Variants in HPSE2 observed in about 807,000 individuals in gnomAD.
The protein encoded by HPSE2 is heparanase 2 (inactive).
Under a neutral mutation model 60.5 loss-of-function variants are expected in HPSE2, and 38 were observed. The ratio of observed to expected loss-of-function variants is 0.63; its 90% CI spans 0.48 to 0.82. The LOEUF (loss-of-function observed/expected upper bound fraction) is 0.82. Ranked by LOEUF, HPSE2 falls within the 40% of genes least tolerant of loss-of-function variation. The probability of loss-of-function intolerance (pLI) is 0.00; values close to 1 mark genes in which losing one functional copy is unlikely to be tolerated. For synonymous variants in HPSE2, 295 were observed against 293.2 expected (o/e 1.01, Z -0.06); for missense variants, 713 against 740.4 (o/e 0.96, Z 0.43).
chr10:99,245,994 T>C, the HPSE2 span, among the ~76,000 whole-genome samples: 1 of 152,168 alleles, frequency 6.6e-6, no homozygotes, highest in Non-Finnish European at 1.5e-5. Flanking sequence ...CAATGATAGG[T>C]GAGAAACACG....
intron 3 of HPSE2, among the ~76,000 whole-genome samples, chr10:98,971,256 G>C (rs1279301049): frequency 1.3e-5 from 2 of 152,132 alleles, no homozygotes; most frequent in African/African-American, 4.8e-5. Context: ...ATTTGTAGAG[G>C]AATTGTGGAT....
At chr10:98,753,047 T>C (rs1367281569) in intron 3 of HPSE2, among the ~76,000 whole-genome samples, 2 of 152,026 alleles carry the variant, frequency 1.3e-5, no homozygotes, top group Admixed American at 6.6e-5. Flanking sequence ...AGGACTTTAG[T>C]TGGGAGGTGG....
intron 3 of HPSE2, among the ~76,000 whole-genome samples, chr10:98,748,625 G>A (rs1185743216): frequency 6.6e-6 from 1 of 152,114 alleles, no homozygotes; most frequent in African/African-American, 2.4e-5. Flanking sequence ...ACAGGCTTGG[G>A]TGTCACTCAG....
At chr10:98,812,344 G>C (rs75312619) in intron 3 of HPSE2, among the ~76,000 whole-genome samples, 1 of 152,248 alleles carries the variant, frequency 6.6e-6, no homozygotes, top group African/African-American at 2.4e-5. Context: ...GAAAGGGAAA[G>C]ACAGGAATAA....
At chr10:99,214,354 G>C (rs1045528541) in intron 2 of HPSE2, among the ~76,000 whole-genome samples, 5 of 152,120 alleles carry the variant, frequency 3.3e-5, no homozygotes, top group African/African-American at 4.8e-5. Context: ...CTACTCCTTG[G>C]TATATACTCA....
At chr10:98,634,463 T>C (rs1946444583) in intron 7 of HPSE2, among the ~76,000 whole-genome samples, 2 of 152,240 alleles carry the variant, frequency 1.3e-5, no homozygotes, top group African/African-American at 2.4e-5. Context: ...ATCATTGTCC[T>C]CATGTTTCCT....
intron 9 of HPSE2, among the ~76,000 whole-genome samples, chr10:98,517,195 G>T (rs1456146371): frequency 1.4e-5 from 2 of 144,718 alleles, no homozygotes. Flanking sequence ...TGTTGGGTGT[G>T]GGGTGGGGGG....
At chr10:99,053,292 A>G (rs1267453889) in intron 3 of HPSE2, among the ~76,000 whole-genome samples, 2 of 152,154 alleles carry the variant, frequency 1.3e-5, no homozygotes, top group Non-Finnish European at 2.9e-5. Context: ...TGGAAGTAGT[A>G]TAATATTAAC....
chr10:99,064,668 T>C (rs1842556697), intron 3 of HPSE2, among the ~76,000 whole-genome samples: 1 of 151,748 alleles, frequency 6.6e-6, no homozygotes, highest in Non-Finnish European at 1.5e-5. Context: ...CTTCTTAACA[T>C]TTAAAAGTTT....
At chr10:98,711,440 T>C (rs1948674086) in intron 5 of HPSE2, among the ~76,000 whole-genome samples, 1 of 152,172 alleles carries the variant, frequency 6.6e-6, no homozygotes, top group East Asian at 1.9e-4. Context: ...TTTAGCTTAA[T>C]TGAAATATGA....
At chr10:99,254,555 T>A in the HPSE2 span, among the ~76,000 whole-genome samples, 34 of 152,232 alleles carry the variant, frequency 2.2e-4, no homozygotes, top group African/African-American at 7.2e-4. Flanking sequence ...TGAAAAAAAA[T>A]TTTAAAAAGA....
chr10:98,467,926 G>A (rs12249838), intron 11 of HPSE2, among the ~76,000 whole-genome samples: 2,803 of 152,340 alleles, frequency 0.018, 79 homozygotes, highest in African/African-American at 0.064. Context: ...GAGAACGGGG[G>A]GTCCCAGGGC....
At chr10:98,846,284 T>C (rs2134712226) in intron 3 of HPSE2, among the ~76,000 whole-genome samples, 1 of 152,380 alleles carries the variant, frequency 6.6e-6, no homozygotes, top group Non-Finnish European at 1.5e-5. Context: ...CCTGAGATTA[T>C]TATTCAGATC....
At chr10:98,985,759 G>C (rs1164996537) in intron 3 of HPSE2, among the ~76,000 whole-genome samples, 3 of 152,108 alleles carry the variant, frequency 2.0e-5, no homozygotes, top group Non-Finnish European at 4.4e-5. Flanking sequence ...CTCATATGCA[G>C]AGACACACAT....
intron 3 of HPSE2, among the ~76,000 whole-genome samples, chr10:98,904,189 T>A (rs939448124): frequency 2.0e-5 from 3 of 152,160 alleles, no homozygotes. Context: ...GAGTTAGTAA[T>A]GTGCTTTAAA....
At chr10:98,562,646 C>T (rs568642058) in intron 9 of HPSE2, among the ~76,000 whole-genome samples, 4 of 144,668 alleles carry the variant, frequency 2.8e-5, no homozygotes, top group South Asian at 4.3e-4. Context: ...ACCCGGGAGA[C>T]AGAACTTGCA....
intron 3 of HPSE2, among the ~76,000 whole-genome samples, chr10:98,853,791 G>C (rs372234115): frequency 1.3e-5 from 2 of 152,240 alleles, no homozygotes; most frequent in East Asian, 3.9e-4. Flanking sequence ...GTGGCCTTTT[G>C]AGCCAGTCAT....
intron 3 of HPSE2, among the ~76,000 whole-genome samples, chr10:98,793,676 T>C (rs188992678): frequency 1.8e-4 from 28 of 152,344 alleles, no homozygotes; most frequent in African/African-American, 6.7e-4. Flanking sequence ...TGATAATGTA[T>C]GGAGAACTAC....
At chr10:98,887,412 C>G (rs1457702882) in intron 3 of HPSE2, among the ~76,000 whole-genome samples, 2 of 152,160 alleles carry the variant, frequency 1.3e-5, no homozygotes, top group Non-Finnish European at 2.9e-5. Context: ...CATCTCCTCT[C>G]CATGCAGATG....
Sources: allele counts gnomAD v4.1 joint callset (sites outside exome capture counted in the v4.1 genomes callset), GRCh38; gene constraint gnomAD v4.1.1; transcripts MANE v1.5; gene names NCBI Gene and HGNC (gene_info 2026-07-23, HGNC 2026-07-21).